ZNF652: variants seen among roughly 807,000 people sequenced by gnomAD.
ZNF652 encodes zinc finger protein 652.
A neutral mutation model predicts 45.2 loss-of-function variants in ZNF652; 16 were observed. The ratio of observed to expected loss-of-function variants is 0.35; its 90% confidence interval spans 0.24 to 0.54. The LOEUF (loss-of-function observed/expected upper bound fraction) is 0.54, where lower values mean the gene tolerates loss of function less well. Among genes scored for constraint, ZNF652 ranks in the 20% least tolerant of loss-of-function variants. ZNF652 has a pLI of 0.91. For synonymous variants in ZNF652, 250 were observed against 260.6 expected (o/e 0.96, Z 0.39); for missense variants, 614 against 765.6 (o/e 0.80, Z 2.34).
chr17:49,356,640 G>A (rs2143136717), intron 1 of ZNF652, among the ~76,000 whole-genome samples: 1 of 151,192 alleles, frequency 6.6e-6, no homozygotes, highest in South Asian at 2.1e-4. Flanking sequence ...TCTAAGGTGA[G>A]TCAAAGACCA....
chr17:49,360,688 G>A (rs922135157), intron 1 of ZNF652, among the ~76,000 whole-genome samples: 8 of 151,924 alleles, frequency 5.3e-5, no homozygotes, highest in African/African-American at 1.7e-4. Context: ...GCACACACAT[G>A]TTGTCAACAA....
At chr17:49,335,001 G>A (rs1379676503) in intron 1 of ZNF652, among the ~76,000 whole-genome samples, 1 of 152,004 alleles carries the variant, frequency 6.6e-6, no homozygotes, top group East Asian at 1.9e-4. Flanking sequence ...ATGGGCTCCA[G>A]GTTTCTTTTG....
At chr17:49,343,658 T>C (rs1476483919) in intron 1 of ZNF652, among the ~76,000 whole-genome samples, 1 of 140,612 alleles carries the variant, frequency 7.1e-6, no homozygotes, top group Admixed American at 7.4e-5. Context: ...AAAAAATAAC[T>C]TTTTTTTTTT....
At chr17:49,361,682 A>T (rs1160343112) in intron 1 of ZNF652, among the ~76,000 whole-genome samples, 3 of 152,070 alleles carry the variant, frequency 2.0e-5, no homozygotes, top group African/African-American at 7.2e-5. Flanking sequence ...GGGGCGAAAG[A>T]GCAGGAGCGG....
chr17:49,359,345 T>C (rs2070369344), intron 1 of ZNF652, among the ~76,000 whole-genome samples: 3 of 152,172 alleles, frequency 2.0e-5, no homozygotes, highest in Non-Finnish European at 2.9e-5. Flanking sequence ...TTCAAACTTA[T>C]AGGGTATGCT....
At position 49,293,655 on chromosome 17, in the gene ZNF652, TAAAAAAAAAAA is replaced by T. The variant is rs10609861; in HGVS notation, c.*4747_*4757del. Among the ~76,000 whole-genome samples, 5 of 78,304 alleles carry T rather than the reference TAAAAAAAAAAA, an allele frequency of 6.4e-5. No individual in the cohort carries two copies. The highest frequency in any genetic ancestry group is 1.4e-4 in the Non-Finnish European group (5 of 36,738). 51.4% of individuals were successfully genotyped at this position (78,304 alleles called of 152,430 possible). On this transcript the variant is annotated 3_prime_UTR_variant, in exon 6 of 6. Transcript: ENST00000430262. ...CTAATGGCTTATGACCTTTCATTCCTAAAAAAAAAAAAAAAAAAAAAAAAAAAAAACTCTTA... is the reference window on the plus strand; with the variant it reads ...CTAATGGCTTATGACCTTTCATTCCTAAAAAAAAAAAAAAAAAAACTCTTA...
At chr17:49,316,791 C>A in intron 2 of ZNF652, 35 bp downstream of exon 2, 1 of 1,574,026 alleles carries the variant, frequency 6.4e-7, no homozygotes, top group East Asian at 2.2e-5. Flanking sequence ...CAGGTTCTAT[C>A]CTGAAAAGTT....
chr17:49,328,001 A>C (rs2069984336), intron 1 of ZNF652, among the ~76,000 whole-genome samples: 1 of 151,810 alleles, frequency 6.6e-6, no homozygotes, highest in Non-Finnish European at 1.5e-5. Context: ...TCTGGCTCTA[A>C]AACCTCATAG....
intron 1 of ZNF652, among the ~76,000 whole-genome samples, chr17:49,351,273 G>A (rs1231880646): frequency 1.3e-5 from 2 of 151,572 alleles, no homozygotes; most frequent in Admixed American, 1.3e-4. Flanking sequence ...GCTGATTACA[G>A]ATCATAACAC....
At chr17:49,345,163 G>C (rs780854291) in intron 1 of ZNF652, among the ~76,000 whole-genome samples, 1 of 151,776 alleles carries the variant, frequency 6.6e-6, no homozygotes, top group Non-Finnish European at 1.5e-5. Flanking sequence ...TTTTGGAAGG[G>C]GCAGTGAGGG....
chr17:49,297,933 A>G lies in ZNF652; in HGVS notation c.*480T>C, dbSNP rs2069497687. On this transcript the variant is annotated 3_prime_UTR_variant, in exon 6 of 6. Transcript: ENST00000430262. ...CTCTATAATGCTTGATATACTGTGAAACATGGCCAGCTCAACTCTGTAGCT... is the reference window on the plus strand; with the variant it reads ...CTCTATAATGCTTGATATACTGTGAGACATGGCCAGCTCAACTCTGTAGCT... 1 of 160,456 alleles carries G rather than the reference A, an allele frequency of 6.2e-6. No individual in the cohort carries two copies. Among genetic ancestry groups the G allele is most frequent in the African/African-American group, 2.4e-5 (1 of 41,474 alleles). 9.9% of individuals were successfully genotyped at this position (160,456 alleles called of 1,614,324 possible). A position where few individuals can be genotyped will look rare whatever the true frequency, so the allele number is the denominator to read the frequency against.
chr17:49,316,338 G>A (rs2069804380), intron 2 of ZNF652, among the ~76,000 whole-genome samples: 1 of 152,126 alleles, frequency 6.6e-6, no homozygotes. Context: ...TCTCTCCAAT[G>A]GTAAAAGCAA....
chr17:49,329,009 A>G (rs951587539), intron 1 of ZNF652, among the ~76,000 whole-genome samples: 1 of 152,218 alleles, frequency 6.6e-6, no homozygotes, highest in African/African-American at 2.4e-5. Flanking sequence ...ACAACAAAAT[A>G]CCTTTACAAT....
chr17:49,341,964 T>A (rs1170375670), intron 1 of ZNF652, among the ~76,000 whole-genome samples: 1 of 152,160 alleles, frequency 6.6e-6, no homozygotes, highest in Non-Finnish European at 1.5e-5. Flanking sequence ...GGCAGGCAGA[T>A]CGCCTGAGAT....
intron 3 of ZNF652, 84 bp from the exon 4 acceptor site, chr17:49,312,126 G>T: frequency 1.4e-6 from 1 of 739,402 alleles, no homozygotes; most frequent in Non-Finnish European, 2.2e-6. Flanking sequence ...AAAGCAATTA[G>T]GCCATCCTAA....
In ZNF652 at chr17:49,317,834, T is replaced by C. The variant is rs1455312855; in HGVS notation, c.-109A>G. The C allele has an allele frequency of 8.5e-7, 1 of 1,180,288 alleles. No homozygotes were observed. Among genetic ancestry groups the C allele is most frequent in the African/African-American group, 1.5e-5 (1 of 64,684 alleles). 73.1% of individuals were successfully genotyped at this position (1,180,288 alleles called of 1,614,324 possible). A position where few individuals can be genotyped will look rare whatever the true frequency, so the allele number is the denominator to read the frequency against. ...TCTCATCCACAAAGAATCACTCAAA[T>C]GAAAAAAAGATATTCCTGGAAACTG... On this transcript the variant is annotated 5_prime_UTR_variant, in exon 2 of 6. Coordinates refer to ENST00000430262, the MANE Select transcript of ZNF652 (RefSeq NM_001145365.3).
At position 49,361,987 on chromosome 17, in the gene ZNF652, G is replaced by GGCGCTCGAGTCACAACCGCC. The variant is rs2070402558; in HGVS notation, c.-357_-338dup. 2 of 149,590 alleles carry GGCGCTCGAGTCACAACCGCC rather than the reference G, an allele frequency of 1.3e-5. No homozygotes were observed. The highest frequency in any genetic ancestry group is 1.3e-4 in the Admixed American group (2 of 15,028). The allele number at this position is 149,590 out of a possible 1,614,324, so 9.3% of individuals were successfully genotyped here. On this transcript the variant is annotated 5_prime_UTR_variant, in exon 1 of 6. Coordinates refer to ENST00000430262, the MANE Select transcript of ZNF652 (RefSeq NM_001145365.3). Reference sequence around the variant, plus strand: ...CCCTGCGGCGGGGGCCTGCAGCCGCGGCGCTCGAGTCACAACCGCCGGCTG... The same window carrying GGCGCTCGAGTCACAACCGCC: ...CCCTGCGGCGGGGGCCTGCAGCCGCGGCGCTCGAGTCACAACCGCCGCGCTCGAGTCACAACCGCCGGCTG...
chr17:49,335,195 A>C lies in ZNF652; in HGVS notation c.-258-17212T>G, dbSNP rs114896870. Among the ~76,000 whole-genome samples the C allele has an allele frequency of 9.2e-3, 1,396 of 152,334 alleles. 21 individuals are homozygous for C. The highest frequency in any genetic ancestry group is 0.032 in the African/African-American group (1,321 of 41,574). On this transcript the variant is annotated intron_variant, in intron 1 of 5. Transcript: ENST00000430262. ...AGTTCAAAGGTGATCTGAAGTAATA[A>C]GATCATGTGAAAATAAATTATGATA...
chr17:49,337,240 G>A (rs1039472283), intron 1 of ZNF652, among the ~76,000 whole-genome samples: 1 of 151,122 alleles, frequency 6.6e-6, no homozygotes, highest in Non-Finnish European at 1.5e-5. Flanking sequence ...AGAGGCTGAG[G>A]TGGGAGGATC....
Sources: gnomAD v4.1 joint callset for allele counts (sites outside exome capture counted in the v4.1 genomes callset) on GRCh38, gnomAD v4.1.1 for gene constraint, MANE v1.5 for transcripts, NCBI Gene and HGNC (gene_info 2026-07-23, HGNC 2026-07-21) for gene names.